SH3BP2: variants seen among roughly 807,000 people sequenced by gnomAD.
The protein encoded by SH3BP2 is SH3 domain binding protein 2, also known as SH3 domain-binding protein 2.
Under a neutral mutation model 56.2 loss-of-function variants are expected in SH3BP2, and 38 were observed. The ratio of observed to expected loss-of-function variants is 0.68; its 90% CI spans 0.52 to 0.89. SH3BP2 has a LOEUF of 0.89. SH3BP2 is among the 40% of genes least tolerant of loss of function. SH3BP2 has a pLI of 0.00. For synonymous variants in SH3BP2, 346 were observed against 316.7 expected, an observed-to-expected ratio of 1.09 and a Z score of -0.98; for missense variants, 748 against 762.6, an observed-to-expected ratio of 0.98 and a Z score of 0.23.
intron 1 of SH3BP2, chr4:2,812,323 G>A: frequency 6.5e-7 from 1 of 1,549,642 alleles, no homozygotes; most frequent in East Asian, 2.4e-5. Flanking sequence ...GGGCACAGCT[G>A]TGGGGCAGCC....
chr4:2,833,518 G>A, intron 12 of SH3BP2, 179 bp from the exon 13 acceptor site: 2 of 720,964 alleles, frequency 2.8e-6, no homozygotes, highest in South Asian at 1.7e-5. Context: ...AGTGAGGTGG[G>A]AACATGGAGA....
At chr4:2,799,249 C>T (rs1287734149) in intron 1 of SH3BP2, 2 of 985,482 alleles carry the variant, frequency 2.0e-6, no homozygotes, top group Non-Finnish European at 2.4e-6. Flanking sequence ...CCTCGGGACC[C>T]TCACCGCGAC....
At chr4:2,818,873 C>T in intron 1 of SH3BP2, 3 of 985,698 alleles carry the variant, frequency 3.0e-6, no homozygotes, top group Non-Finnish European at 2.4e-6. Context: ...AAGACTTCCT[C>T]TTGCACTTTT....
chr4:2,832,878 G>T, intron 11 of SH3BP2, 112 bp from the exon 12 acceptor site: 1 of 1,096,848 alleles, frequency 9.1e-7, no homozygotes. Context: ...CCCCCCGAGG[G>T]CCACAGGACC....
intron 1 of SH3BP2, among the ~76,000 whole-genome samples, chr4:2,802,396 A>T (rs1435889484): frequency 7.7e-6 from 1 of 129,940 alleles, no homozygotes; most frequent in Non-Finnish European, 1.6e-5. Context: ...TCTGTCTCAA[A>T]AAAATATATG....
intron 1 of SH3BP2, among the ~76,000 whole-genome samples, chr4:2,814,127 C>G (rs1723886482): frequency 6.6e-6 from 1 of 152,246 alleles, no homozygotes; most frequent in African/African-American, 2.4e-5. Context: ...TGCAGGGGCT[C>G]ACGCCTGTGT....
rs28589491 is a variant in SH3BP2, at chr4:2,817,301, T to C, written c.-4-3313T>C. On this transcript the variant is annotated intron_variant, in intron 1 of 12. Coordinates refer to ENST00000503393, the MANE Select transcript of SH3BP2 (RefSeq NM_001122681.2). Reference sequence around the variant, plus strand: ...GCCTGAGGAGAGGAAGTGGAGGGGGTTGCCAAGAGGCAATGGAGAGGGGCC... The same window carrying C: ...GCCTGAGGAGAGGAAGTGGAGGGGGCTGCCAAGAGGCAATGGAGAGGGGCC... 3.7e-3 allele frequency among the ~76,000 whole-genome samples: 547 copies of C among 147,894 alleles called. 4 individuals are homozygous for C. Among genetic ancestry groups the C allele is most frequent in the African/African-American group, 0.013 (521 of 39,848 alleles).
In SH3BP2 at chr4:2,829,928, C is replaced by T. The variant is rs770759982; in HGVS notation, c.1022C>T (p.Pro341Leu). 2 of 1,613,760 alleles carry T rather than the reference C, an allele frequency of 1.2e-6. No individual in the cohort carries two copies. The highest frequency in any genetic ancestry group is 2.7e-5 in the African/African-American group (2 of 75,054). ...CDKLKSFHLS[P>L]RGPPTSEPPP... ...AAACTCAAGTCCTTCCACCTGTCCC[C>T]CCGAGGACCACCCACATCTGAGCCC... Residue 341 changes from proline (P) to leucine (L), a missense_variant, in exon 8 of 13, where the codon CCC becomes CTC. Pro to Leu is a moderately conservative substitution (Grantham distance 98). This residue lies in a region of SH3BP2 where 635 missense variants were observed against 615.0 expected (regional missense o/e 1.03). Coordinates refer to ENST00000503393, the MANE Select transcript of SH3BP2 (RefSeq NM_001122681.2). This position sits in a 1 kb window ranked among gnomAD's most constrained non-coding sequence, Gnocchi z 4.9.
intron 6 of SH3BP2, 122 bp downstream of exon 6, chr4:2,827,440 G>GCAGTAGC: frequency 3.4e-6 from 4 of 1,174,794 alleles, no homozygotes; most frequent in Non-Finnish European, 5.0e-6. Flanking sequence ...TTGGCAGTGC[G>GCAGTAGC]CAGTAGCATC....
In SH3BP2 at chr4:2,831,629, C is replaced by T. The variant is rs1159129109; in HGVS notation, c.1300C>T (p.Pro434Ser). The T allele has an allele frequency of 1.1e-5, 18 of 1,606,976 alleles. No individual in the cohort carries two copies. Among genetic ancestry groups the T allele is most frequent in the Non-Finnish European group, 1.4e-5 (16 of 1,176,540 alleles). Reference sequence around the variant, plus strand: ...CTTCTCCTTTGAAAAGCCCCGGCAACCCTCACAGGCTGACACTGGCGGGGA... The same window carrying T: ...CTTCTCCTTTGAAAAGCCCCGGCAATCCTCACAGGCTGACACTGGCGGGGA... ...RSFSFEKPRQ[P>S]SQADTGGDDS... Residue 434 changes from proline to serine, a missense_variant, in exon 9 of 13, where the codon CCC becomes TCC. This residue lies in a region of SH3BP2 where 635 missense variants were observed against 615.0 expected (regional missense o/e 1.03). Transcript: ENST00000503393. The surrounding 1 kb of genome is among the most constrained non-coding windows in gnomAD (Gnocchi z 4.1).
Position 2,810,597 on chromosome 4 carries a change from C to A in SH3BP2, c.-4-10017C>A, listed in dbSNP as rs995464600. 6.6e-6 allele frequency among the ~76,000 whole-genome samples: 1 copy of A among 151,974 alleles called. No individual in the cohort carries two copies. Among genetic ancestry groups the A allele is most frequent in the African/African-American group, 2.4e-5 (1 of 41,370 alleles). On this transcript the variant is annotated intron_variant, in intron 1 of 12. Transcript: ENST00000503393. The surrounding 1 kb of genome is among the most constrained non-coding windows in gnomAD (Gnocchi z 4.2). ...ATCCCTGAAGCTGTGCGTTGGCCAC[C>A]TCATTGCCTGTGGATTCCTCCCAAC... is the stretch of plus-strand genomic sequence containing the variant.
chr4:2,812,139 C>A, intron 1 of SH3BP2: 1 of 1,399,820 alleles, frequency 7.1e-7, no homozygotes. Context: ...GAGTTAAAAC[C>A]CGGATGGTGG....
At chr4:2,801,844 A>C (rs1723294127) in intron 1 of SH3BP2, among the ~76,000 whole-genome samples, 1 of 152,276 alleles carries the variant, frequency 6.6e-6, no homozygotes, top group Non-Finnish European at 1.5e-5. Flanking sequence ...GTGGTGGCTC[A>C]TGCCTGTAAT....
intron 3 of SH3BP2, 92 bp from the exon 4 acceptor site, chr4:2,824,521 C>A: frequency 1.1e-6 from 1 of 929,926 alleles, no homozygotes; most frequent in Non-Finnish European, 1.8e-6. Flanking sequence ...GGGCGTGGTG[C>A]TGGTGCCGAG....
chr4:2,816,667 G>T (rs1430302587), intron 1 of SH3BP2, among the ~76,000 whole-genome samples: 1 of 152,166 alleles, frequency 6.6e-6, no homozygotes, highest in African/African-American at 2.4e-5. Context: ...GTTGAATTTT[G>T]TCAAACACTT....
At chr4:2,827,536 T>C in intron 6 of SH3BP2, 70 bp from the exon 7 acceptor site, 3 of 1,487,456 alleles carry the variant, frequency 2.0e-6, no homozygotes, top group Non-Finnish European at 2.8e-6. Context: ...CTCAGCCCCA[T>C]GCATGGAGCA....
In SH3BP2 at chr4:2,831,819, C is replaced by T; in HGVS notation, c.1351-104C>T. ...CCCGGGAGCCTAGGGGGACACAGCA[C>T]CATGTAAAGCCCCGGATCCCGGCAC... is the stretch of plus-strand genomic sequence containing the variant. On this transcript the variant is annotated intron_variant, in intron 9 of 12. Coordinates refer to ENST00000503393, the MANE Select transcript of SH3BP2 (RefSeq NM_001122681.2). This position sits in a 1 kb window ranked among gnomAD's most constrained non-coding sequence, Gnocchi z 4.1. The T allele has an allele frequency of 7.1e-7, 1 of 1,406,288 alleles. No homozygotes were observed. The allele number at this position is 1,406,288 out of a possible 1,614,324, so 87.1% of individuals were successfully genotyped here. A position where few individuals can be genotyped will look rare whatever the true frequency, so the allele number is the denominator to read the frequency against.
At chr4:2,801,093 A>AC (rs1285802252) in intron 1 of SH3BP2, among the ~76,000 whole-genome samples, 4 of 149,866 alleles carry the variant, frequency 2.7e-5, no homozygotes, top group African/African-American at 9.8e-5. Flanking sequence ...TCCAGACTCC[A>AC]CCCCTGCCTG....
At chr4:2,824,981 A>T (rs913408195) in intron 4 of SH3BP2, 145 bp from the exon 5 acceptor site, 1 of 777,542 alleles carries the variant, frequency 1.3e-6, no homozygotes, top group African/African-American at 1.7e-5. Flanking sequence ...GGCTGAGGGG[A>T]GCCACACAGC....
Sources: allele counts gnomAD v4.1 joint callset (sites outside exome capture counted in the v4.1 genomes callset), GRCh38; gene constraint gnomAD v4.1.1; regional missense constraint gnomAD v4.1.1; non-coding constraint Gnocchi (gnomAD v3.1); transcripts MANE v1.5; gene names NCBI Gene and HGNC (gene_info 2026-07-23, HGNC 2026-07-21).